Variants in AATK observed in about 807,000 individuals in gnomAD.
AATK encodes lemur tail kinase 1.
In AATK, 91 loss-of-function variants were observed where a neutral mutation model predicts 114.3. The observed-to-expected ratio is 0.80, with a 90% confidence interval of 0.67 to 0.95. AATK has a LOEUF of 0.95. AATK is among the 40% of genes least tolerant of loss of function. AATK has a pLI of 0.00. For synonymous variants in AATK, 1,075 were observed against 916.5 expected (o/e 1.17, Z -3.12); for missense variants, 2,176 against 1,965.2 (o/e 1.11, Z -2.03).
chr17:81,127,677 G>T lies in AATK; in HGVS notation c.534-7C>A. ...GTTGCTGTGCTTCAGGGCCCTGCGG[G>T]AGTGGACAGGCGGCCCCTGACTTGG... On this transcript the variant is annotated splice_polypyrimidine_tract_variant and splice_region_variant and intron_variant, in intron 5 of 13. Transcript: ENST00000326724. 1 of 1,577,232 alleles carries T rather than the reference G, an allele frequency of 6.3e-7. No individual in the cohort carries two copies. Among genetic ancestry groups the T allele is most frequent in the Non-Finnish European group, 8.6e-7 (1 of 1,161,964 alleles).
chr17:81,119,263 G>GGGCCGGGAAGGAGCGT, intron 13 of AATK, 117 bp downstream of exon 13: 2 of 1,124,534 alleles, frequency 1.8e-6, no homozygotes, highest in Non-Finnish European at 2.4e-6. Context: ...GGAAGGAGCG[G>GGGCCGGGAAGGAGCGT]AGCGGAGCGG....
chr17:81,129,143 G>A (rs976772458), intron 3 of AATK, among the ~76,000 whole-genome samples: 1 of 152,234 alleles, frequency 6.6e-6, no homozygotes, highest in Non-Finnish European at 1.5e-5. Flanking sequence ...CCCACGCCCC[G>A]AGGGATTCCC....
Position 81,147,534 on chromosome 17 carries a change from T to G in AATK, c.56-13033A>C, listed in dbSNP as rs574921851. ...TCCCAGGATGCCAAGACTGGCGGAT[T>G]GCTTGAACTTAAGAGTTTGAGACTA... On this transcript the variant is annotated intron_variant, in intron 1 of 13. Transcript: ENST00000326724. 3.9e-5 allele frequency among the ~76,000 whole-genome samples: 6 copies of G among 152,278 alleles called. No individual in the cohort carries two copies. In the East Asian group the frequency reaches 1.2e-3, roughly 29 times the overall value.
In AATK at chr17:81,121,980, C is replaced by T. The variant is rs562437913; in HGVS notation, c.1956G>A (p.Gly652=). The T allele has an allele frequency of 5.7e-5, 92 of 1,601,358 alleles. 1 individual carries two copies. The East Asian group carries it at 1.4e-3, about 25-fold the overall frequency. Residue 652 remains glycine, a synonymous_variant, in exon 11 of 14, where the codon GGG becomes GGA. Transcript: ENST00000326724. The stretch of plus-strand genomic sequence containing the variant: ...CGCCAGTCAGCGGCAGCGGGGGCGC[C>T]CCTGAGCTCCCCAAAGGGGACGTGC... ...PLGTSPLGSS[G]APPLPLTGED...
chr17:81,125,654 G>C (rs2060803723), intron 7 of AATK, among the ~76,000 whole-genome samples: 1 of 152,152 alleles, frequency 6.6e-6, no homozygotes, highest in African/African-American at 2.4e-5. Flanking sequence ...GAGGCACAGG[G>C]TACTGGGTAG....
chr17:81,161,615 G>A (rs957964012), intron 1 of AATK, among the ~76,000 whole-genome samples: 27 of 152,160 alleles, frequency 1.8e-4, no homozygotes, highest in African/African-American at 5.6e-4. Context: ...TGGAGCTGCC[G>A]TGACGGCCCC....
At chr17:81,157,067 G>T (rs548546284) in intron 1 of AATK, among the ~76,000 whole-genome samples, 1 of 152,184 alleles carries the variant, frequency 6.6e-6, no homozygotes. Flanking sequence ...AGTCACTCCC[G>T]AGACCAGACA....
At chr17:81,142,557 C>T (rs1213583203) in intron 1 of AATK, among the ~76,000 whole-genome samples, 1 of 152,212 alleles carries the variant, frequency 6.6e-6, no homozygotes, top group African/African-American at 2.4e-5. Context: ...TCTATTTGGC[C>T]ATTGTCCAGC....
In AATK at chr17:81,126,529, C is replaced by T. The variant is rs866975547; in HGVS notation, c.653G>A (p.Arg218Gln). The change falls in exon 7 of 14, where the codon CGG becomes CAG. Residue 218 changes from arginine to glutamine, a missense_variant. By Grantham distance (43) the Arg-to-Gln change is conservative. Transcript: ENST00000326724. This position sits in a 1 kb window ranked among gnomAD's most constrained non-coding sequence, Gnocchi z 5.1. ...GTCGGGAGCCATGGACTCCGCCACC[C>T]GGCAGCTCCGCAGGTAGCCCTTGAG... ...GDLKGYLRSC[R>Q]VAESMAPDPR... The T allele has an allele frequency of 4.5e-6, 7 of 1,548,130 alleles. No homozygotes were observed. Among genetic ancestry groups the T allele is most frequent in the East Asian group, 2.4e-5 (1 of 40,848 alleles).
intron 8 of AATK, 25 bp downstream of exon 8, chr17:81,124,905 G>GGCCCCCC: frequency 2.7e-5 from 40 of 1,502,772 alleles, no homozygotes; most frequent in Non-Finnish European, 3.5e-5. Context: ...CTCATGCCCA[G>GGCCCCCC]CCCAGCCCAC....
Position 81,118,203 on chromosome 17 carries a change from G to C in AATK, c.*199C>G, listed in dbSNP as rs1272844167. 1.7e-6 allele frequency: 1 copy of C among 592,636 alleles called. No homozygotes were observed. Among genetic ancestry groups the C allele is most frequent in the Non-Finnish European group, 3.0e-6 (1 of 336,550 alleles). 36.7% of individuals were successfully genotyped at this position (592,636 alleles called of 1,614,324 possible). A position where few individuals can be genotyped will look rare whatever the true frequency, so the allele number is the denominator to read the frequency against. On this transcript the variant is annotated 3_prime_UTR_variant, in exon 14 of 14. Coordinates refer to ENST00000326724, the MANE Select transcript of AATK (RefSeq NM_001080395.3). The stretch of plus-strand genomic sequence containing the variant: ...AAAAGCCCAGACGAATTCTGCCTCT[G>C]GGGCGGAGCATGGCCGATCTACCAT...
intron 1 of AATK, among the ~76,000 whole-genome samples, chr17:81,155,236 C>T (rs1042799063): frequency 5.3e-5 from 8 of 152,216 alleles, no homozygotes; most frequent in Non-Finnish European, 1.5e-5. Context: ...TGGCGGTGAC[C>T]ATCAAGGTTT....
At position 81,120,881 on chromosome 17, in the gene AATK, G is replaced by A. The variant is rs778316408; in HGVS notation, c.3055C>T (p.Arg1019Ter). The change falls in exon 11 of 14, where the codon CGA becomes TGA. Residue 1019 changes from arginine (R) to a stop codon, truncating the protein, a stop_gained. Coordinates refer to ENST00000326724, the MANE Select transcript of AATK (RefSeq NM_001080395.3). LOFTEE classifies it high-confidence loss of function. ...AGGCCCAGCTCTGGCCCGGGGGCTCGGTCCCCGCCGCACTTCTTCTCTGGG... is the reference window on the plus strand; with the variant it reads ...AGGCCCAGCTCTGGCCCGGGGGCTCAGTCCCCGCCGCACTTCTTCTCTGGG... ...SGPEKKCGGD[R>*]APGPELGLPS... 1.9e-6 allele frequency: 3 copies of A among 1,579,038 alleles called. No individual in the cohort carries two copies. The highest frequency in any genetic ancestry group is 2.6e-6 in the Non-Finnish European group (3 of 1,162,842).
rs7216694 is a variant in AATK at position 81,139,122 on chromosome 17, T to G, written c.56-4621A>C. Among the ~76,000 whole-genome samples the G allele has an allele frequency of 2.0e-5, 3 of 152,142 alleles. No individual in the cohort carries two copies. The South Asian group carries it at 6.2e-4, about 31-fold the overall frequency. ...CATCCCCTGGCTCAGTCCCCACTAC[T>G]GGCCTGCTCAGTAGGTATCATCATC... On this transcript the variant is annotated intron_variant, in intron 1 of 13. Transcript: ENST00000326724.
rs548568721 is a variant in AATK, at chr17:81,134,060, G to A, written c.189+308C>T. Among the ~76,000 whole-genome samples, 8 of 152,250 alleles carry A rather than the reference G, an allele frequency of 5.3e-5. No individual in the cohort carries two copies. The East Asian group carries it at 5.8e-4, about 11-fold the overall frequency. ...CTCCCACACCAGCTCCAGAGCCCCC[G>A]ACGCCCCCTGCAAGGCTGTCCTCAG... On this transcript the variant is annotated intron_variant, in intron 2 of 13. Coordinates refer to ENST00000326724, the MANE Select transcript of AATK (RefSeq NM_001080395.3).
intron 2 of AATK, chr17:81,132,045 G>C: frequency 7.7e-7 from 1 of 1,302,130 alleles, no homozygotes; most frequent in Non-Finnish European, 1.0e-6. Flanking sequence ...TTGAAATGTA[G>C]AGGCTGCACC....
chr17:81,124,676 C>T (rs1025429370), intron 9 of AATK, 51 bp downstream of exon 9: 1 of 1,596,044 alleles, frequency 6.3e-7, no homozygotes, highest in African/African-American at 1.3e-5. Flanking sequence ...CATGGGTGGG[C>T]AGGTGGCACT....
rs2060593917 is a variant in AATK at position 81,118,323 on chromosome 17, C to T, written c.*79G>A. 20 of 1,466,588 alleles carry T rather than the reference C, an allele frequency of 1.4e-5. No homozygotes were observed. In the South Asian group the frequency reaches 2.5e-4, roughly 18 times the overall value. The allele number at this position is 1,466,588 out of a possible 1,614,324, so 90.8% of individuals were successfully genotyped here. On this transcript the variant is annotated 3_prime_UTR_variant, in exon 14 of 14. Coordinates refer to ENST00000326724, the MANE Select transcript of AATK (RefSeq NM_001080395.3). ...ACAGCCACCAGGACGTGGTCCCCAC[C>T]TTCTCGGTCACCATCCTCGCTGCTG...
At chr17:81,152,050 G>A (rs557845307) in intron 1 of AATK, among the ~76,000 whole-genome samples, 2 of 152,166 alleles carry the variant, frequency 1.3e-5, no homozygotes, top group African/African-American at 2.4e-5. Flanking sequence ...TGAGGTGGGC[G>A]GATCACTTGA....
Sources: allele counts gnomAD v4.1 joint callset (sites outside exome capture counted in the v4.1 genomes callset), GRCh38; gene constraint gnomAD v4.1.1; non-coding constraint Gnocchi (gnomAD v3.1); transcripts MANE v1.5; gene names NCBI Gene and HGNC (gene_info 2026-07-23, HGNC 2026-07-21).